The following RGS7 variants were observed in gnomAD, a reference collection of about 807,000 sequenced individuals.
RGS7 encodes the protein regulator of G protein signaling 7, also known as regulator of G-protein signaling 7.
A neutral mutation model predicts 81.1 loss-of-function variants in RGS7; 27 were observed. The observed-to-expected ratio is 0.33, with a 90% CI of 0.25 to 0.46. RGS7 has a LOEUF of 0.46. Among genes scored for constraint, RGS7 ranks in the 20% least tolerant of loss-of-function variants. The pLI is 1.00. For missense variants in RGS7, 396 were observed against 607.4 expected, an observed-to-expected ratio of 0.65 and a Z score of 3.66; for synonymous variants, 208 against 207.7, an observed-to-expected ratio of 1.00 and a Z score of -0.01.
At chr1:241,262,396 A>G (rs2077382955) in intron 2 of RGS7, among the ~76,000 whole-genome samples, 1 of 152,240 alleles carries the variant, frequency 6.6e-6, no homozygotes, top group Non-Finnish European at 1.5e-5. Flanking sequence ...TCTTCATAGC[A>G]TCATATCCAA....
chr1:241,057,810 C>A (rs939267193), intron 3 of RGS7, among the ~76,000 whole-genome samples: 1 of 152,036 alleles, frequency 6.6e-6, no homozygotes, highest in African/African-American at 2.4e-5. Context: ...TACAGTGAGC[C>A]GGGATCACAC....
intron 2 of RGS7, among the ~76,000 whole-genome samples, chr1:241,318,657 G>A (rs1261888273): frequency 6.6e-6 from 1 of 151,962 alleles, no homozygotes; most frequent in Non-Finnish European, 1.5e-5. Flanking sequence ...TGTATTTTTA[G>A]TAGAGACAGG....
At chr1:241,316,576 T>C (rs975428444) in intron 2 of RGS7, among the ~76,000 whole-genome samples, 3 of 152,212 alleles carry the variant, frequency 2.0e-5, no homozygotes, top group Non-Finnish European at 2.9e-5. Context: ...ACCAAACATG[T>C]GGTGAGGCAT....
chr1:240,820,596 G>A (rs1691598991), intron 10 of RGS7, among the ~76,000 whole-genome samples: 1 of 152,052 alleles, frequency 6.6e-6, no homozygotes, highest in South Asian at 2.1e-4. Flanking sequence ...TAGGTATGAG[G>A]GTGAAGCCCT....
chr1:241,296,081 C>A (rs2079404904), intron 2 of RGS7, among the ~76,000 whole-genome samples: 2 of 151,996 alleles, frequency 1.3e-5, no homozygotes, highest in Non-Finnish European at 2.9e-5. Flanking sequence ...AGAGAGAAGC[C>A]TGGGCTGGTG....
intron 4 of RGS7, among the ~76,000 whole-genome samples, chr1:240,944,963 G>A (rs1044224677): frequency 3.3e-5 from 5 of 152,148 alleles, no homozygotes; most frequent in Non-Finnish European, 7.3e-5. Flanking sequence ...TGCCTGCCTC[G>A]GCCTTCCCAA....
intron 3 of RGS7, among the ~76,000 whole-genome samples, chr1:241,056,704 T>C (rs528902190): frequency 3.3e-5 from 5 of 152,294 alleles, no homozygotes; most frequent in African/African-American, 1.2e-4. Flanking sequence ...TTGTGTTCAG[T>C]CCAAGAGACC....
intron 9 of RGS7, among the ~76,000 whole-genome samples, chr1:240,851,612 G>A (rs893922584): frequency 6.6e-6 from 1 of 152,174 alleles, no homozygotes; most frequent in Non-Finnish European, 1.5e-5. Context: ...TCCTCTGATG[G>A]AATGGGGCAA....
At chr1:241,114,855 T>C (rs1254466487) in intron 2 of RGS7, among the ~76,000 whole-genome samples, 1 of 152,158 alleles carries the variant, frequency 6.6e-6, no homozygotes, top group Admixed American at 6.5e-5. Flanking sequence ...TCCTATATTG[T>C]TTTGTAAAAT....
chr1:240,900,797 G>A (rs920950103), intron 6 of RGS7, among the ~76,000 whole-genome samples: 2 of 152,172 alleles, frequency 1.3e-5, no homozygotes, highest in Non-Finnish European at 2.9e-5. Flanking sequence ...TCTGTGCTGG[G>A]AGAAGCACTA....
intron 3 of RGS7, among the ~76,000 whole-genome samples, chr1:241,073,561 A>T (rs1271882472): frequency 6.6e-6 from 1 of 152,234 alleles, no homozygotes; most frequent in African/African-American, 2.4e-5. Flanking sequence ...CAGGGCAGAT[A>T]AAACACAATT....
intron 2 of RGS7, among the ~76,000 whole-genome samples, chr1:241,126,304 C>A (rs973651496): frequency 6.6e-6 from 1 of 152,032 alleles, no homozygotes; most frequent in Non-Finnish European, 1.5e-5. Context: ...CATGCGCAAC[C>A]ACACCCGGCT....
intron 6 of RGS7, among the ~76,000 whole-genome samples, chr1:240,913,408 A>G (rs1323810625): frequency 1.3e-5 from 2 of 152,168 alleles, no homozygotes; most frequent in Admixed American, 6.5e-5. Context: ...TTTGATCAGG[A>G]AGTTTTGTGT....
chr1:241,317,404 C>G (rs777558709), intron 2 of RGS7, among the ~76,000 whole-genome samples: 2 of 152,208 alleles, frequency 1.3e-5, no homozygotes, highest in African/African-American at 4.8e-5. Flanking sequence ...ACCATTGTAG[C>G]TTGGTCTCCA....
At chr1:240,936,536 C>A (rs1416460574) in intron 5 of RGS7, 64 bp downstream of exon 5, 1 of 1,250,770 alleles carries the variant, frequency 8.0e-7, no homozygotes, top group African/African-American at 1.5e-5. Context: ...TCAAAAGAAA[C>A]CTAACTAACA....
intron 2 of RGS7, among the ~76,000 whole-genome samples, chr1:241,102,140 T>C (rs1248102372): frequency 6.6e-6 from 1 of 152,224 alleles, no homozygotes; most frequent in Non-Finnish European, 1.5e-5. Flanking sequence ...TTTTTATCTT[T>C]ATCCAGACAT....
At chr1:241,317,967 T>C (rs1398266181) in intron 2 of RGS7, among the ~76,000 whole-genome samples, 1 of 152,132 alleles carries the variant, frequency 6.6e-6, no homozygotes, top group Non-Finnish European at 1.5e-5. Context: ...ATAAACAATA[T>C]CCTGTCTTGG....
At chr1:241,097,495 C>T (rs1412099539) in intron 3 of RGS7, among the ~76,000 whole-genome samples, 4 of 152,112 alleles carry the variant, frequency 2.6e-5, no homozygotes, top group Admixed American at 2.6e-4. Context: ...TACCCTCTTC[C>T]TAGGCTTGAC....
intron 9 of RGS7, among the ~76,000 whole-genome samples, chr1:240,835,590 C>A (rs1188727079): frequency 6.6e-6 from 1 of 152,134 alleles, no homozygotes; most frequent in Non-Finnish European, 1.5e-5. Context: ...TGGCATTTAC[C>A]CAAATTGAGT....
Sources: allele counts gnomAD v4.1 joint callset (sites outside exome capture counted in the v4.1 genomes callset), GRCh38; gene constraint gnomAD v4.1.1; transcripts MANE v1.5; gene names NCBI Gene and HGNC (gene_info 2026-07-23, HGNC 2026-07-21).